Variants in SUPT3H observed in about 807,000 individuals in gnomAD.
SUPT3H encodes SPT3 homolog, SAGA and STAGA complex component, also known as transcription initiation protein SPT3 homolog.
In SUPT3H, 44 loss-of-function variants were observed where a neutral mutation model predicts 44.3. That is an observed-to-expected ratio of 0.99 (90% CI 0.78 to 1.28). The LOEUF (loss-of-function observed/expected upper bound fraction) is 1.28, where lower values mean the gene tolerates loss of function less well. Among genes scored for constraint, SUPT3H ranks in the 50% most tolerant of loss-of-function variants. The probability of loss-of-function intolerance (pLI) is 0.00; values close to 1 mark genes in which losing one functional copy is unlikely to be tolerated. For synonymous variants in SUPT3H, 124 were observed against 125.6 expected (o/e 0.99, Z 0.09); for missense variants, 380 against 387.1 (o/e 0.98, Z 0.15).
intron 2 of SUPT3H, among the ~76,000 whole-genome samples, chr6:45,126,970 C>A (rs1025505476): frequency 6.6e-6 from 1 of 152,066 alleles, no homozygotes; most frequent in Non-Finnish European, 1.5e-5. Flanking sequence ...CCACTGTGTA[C>A]CTGACTTGAA....
At chr6:45,162,133 G>T (rs1312935217) in intron 2 of SUPT3H, among the ~76,000 whole-genome samples, 1 of 152,064 alleles carries the variant, frequency 6.6e-6, no homozygotes, top group Non-Finnish European at 1.5e-5. Context: ...TGACAGGCAG[G>T]TCTTTGCCCC....
intron 2 of SUPT3H, among the ~76,000 whole-genome samples, chr6:45,108,136 A>G (rs140401049): frequency 7.9e-5 from 12 of 152,358 alleles, no homozygotes; most frequent in African/African-American, 2.6e-4. Context: ...TGTCACTTCT[A>G]TTCAACACAA....
At chr6:45,098,947 GAGA>G (rs1162091193) in intron 3 of SUPT3H, 10 of 476,076 alleles carry the variant, frequency 2.1e-5, no homozygotes, top group African/African-American at 6.0e-5. Context: ...AAAAGAAAAA[GAGA>G]AGAACAGATC....
At chr6:45,289,705 G>T (rs954223283) in intron 2 of SUPT3H, among the ~76,000 whole-genome samples, 1 of 152,016 alleles carries the variant, frequency 6.6e-6, no homozygotes, top group African/African-American at 2.4e-5. Flanking sequence ...AAGTAAACAC[G>T]AGAAAACATC....
chr6:44,863,050 T>C (rs1228880318), intron 10 of SUPT3H, among the ~76,000 whole-genome samples: 1 of 152,108 alleles, frequency 6.6e-6, no homozygotes, highest in Non-Finnish European at 1.5e-5. Flanking sequence ...AAAACTGTTA[T>C]AAAAACTCCC....
At chr6:45,046,371 C>G (rs931876167) in intron 3 of SUPT3H, among the ~76,000 whole-genome samples, 4 of 152,064 alleles carry the variant, frequency 2.6e-5, no homozygotes, top group Non-Finnish European at 5.9e-5. Context: ...TACTCTGCTG[C>G]CCAGGCTGGA....
intron 10 of SUPT3H, among the ~76,000 whole-genome samples, chr6:44,874,831 A>G (rs1336406120): frequency 1.4e-5 from 2 of 143,710 alleles, no homozygotes; most frequent in South Asian, 2.5e-4. Flanking sequence ...ATGTACAAAA[A>G]TCACAAGCAT....
intron 4 of SUPT3H, among the ~76,000 whole-genome samples, chr6:45,018,051 A>G (rs1784563458): frequency 6.6e-6 from 1 of 151,950 alleles, no homozygotes. Flanking sequence ...CTCCTTGAAG[A>G]GGTCCTTCAT....
At chr6:44,814,638 T>C (rs1007912699) in intron 11 of SUPT3H, among the ~76,000 whole-genome samples, 2 of 152,130 alleles carry the variant, frequency 1.3e-5, no homozygotes, top group African/African-American at 4.8e-5. Context: ...CTTCCCAGTT[T>C]GGGGGTGGGA....
At chr6:44,812,230 T>C (rs1766582572) in intron 11 of SUPT3H, among the ~76,000 whole-genome samples, 1 of 152,216 alleles carries the variant, frequency 6.6e-6, no homozygotes, top group Non-Finnish European at 1.5e-5. Context: ...TGTTTTTTTC[T>C]GGAGGCTATA....
At chr6:45,301,575 T>A (rs1173145551) in intron 2 of SUPT3H, among the ~76,000 whole-genome samples, 1 of 152,126 alleles carries the variant, frequency 6.6e-6, no homozygotes, top group Non-Finnish European at 1.5e-5. Flanking sequence ...TAATGTTACA[T>A]CACCTTACAG....
At position 44,981,741 on chromosome 6, in the gene SUPT3H, G is replaced by C. The variant is rs367975498; in HGVS notation, c.505-19913C>G. On this transcript the variant is annotated intron_variant, in intron 6 of 10. Transcript: ENST00000371459. ...TTCTTTAATATAGCTCTGAGATTCT[G>C]TGGTTCTACGTGTATTCTCTTATCT... Among the ~76,000 whole-genome samples, 31 of 152,086 alleles carry C rather than the reference G, an allele frequency of 2.0e-4. 1 individual carries two copies. In the East Asian group the frequency reaches 4.3e-3, roughly 21 times the overall value.
intron 2 of SUPT3H, among the ~76,000 whole-genome samples, chr6:45,128,996 G>T (rs1404176705): frequency 6.6e-6 from 1 of 152,088 alleles, no homozygotes; most frequent in East Asian, 1.9e-4. Flanking sequence ...TCTATTAAAA[G>T]ATTCTTTGTC....
chr6:44,948,955 G>A (rs980291807), intron 9 of SUPT3H, among the ~76,000 whole-genome samples: 1 of 152,122 alleles, frequency 6.6e-6, no homozygotes, highest in Non-Finnish European at 1.5e-5. Flanking sequence ...TGTTTATTGT[G>A]GCACTATTCT....
At chr6:44,962,863 T>C (rs1333498896) in intron 6 of SUPT3H, among the ~76,000 whole-genome samples, 1 of 151,962 alleles carries the variant, frequency 6.6e-6, no homozygotes, top group East Asian at 1.9e-4. Flanking sequence ...CTAAGACCAA[T>C]GACTGTTTTT....
chr6:44,983,208 T>C (rs1018527103), intron 6 of SUPT3H, among the ~76,000 whole-genome samples: 1 of 152,146 alleles, frequency 6.6e-6, no homozygotes, highest in Non-Finnish European at 1.5e-5. Context: ...CAGTTATTTG[T>C]AGATCACCAT....
downstream of SUPT3H, among the ~76,000 whole-genome samples, chr6:44,825,474 T>C (rs1224246047): frequency 6.6e-6 from 1 of 152,180 alleles, no homozygotes; most frequent in Non-Finnish European, 1.5e-5. Flanking sequence ...CAGCATGAGC[T>C]TTGGGATCAA....
intron 2 of SUPT3H, among the ~76,000 whole-genome samples, chr6:45,185,634 C>A (rs1814080164): frequency 6.6e-6 from 1 of 152,202 alleles, no homozygotes; most frequent in South Asian, 2.1e-4. Context: ...AATGAACTTG[C>A]AAAACAAATT....
chr6:44,985,894 T>G (rs1779720772), intron 6 of SUPT3H, among the ~76,000 whole-genome samples: 1 of 152,182 alleles, frequency 6.6e-6, no homozygotes, highest in South Asian at 2.1e-4. Context: ...CACTAATATG[T>G]AAATAACTGA....
Sources: allele counts gnomAD v4.1 joint callset (sites outside exome capture counted in the v4.1 genomes callset), GRCh38; gene constraint gnomAD v4.1.1; transcripts MANE v1.5; gene names NCBI Gene and HGNC (gene_info 2026-07-23, HGNC 2026-07-21).